Variants in ANKRD44 observed in about 807,000 individuals in gnomAD.
ANKRD44 encodes serine/threonine-protein phosphatase 6 regulatory ankyrin repeat subunit B.
In ANKRD44, 35 loss-of-function variants were observed where a neutral mutation model predicts 116.0. The observed-to-expected ratio is 0.30, with a 90% CI of 0.23 to 0.40. The LOEUF (loss-of-function observed/expected upper bound fraction) is 0.40. Ranked by LOEUF, ANKRD44 falls within the 10% of genes least tolerant of loss-of-function variation. ANKRD44 has a pLI of 1.00. For missense variants in ANKRD44, 1,014 were observed against 1,242.6 expected (o/e 0.82, Z 2.77); for synonymous variants, 435 against 461.8 (o/e 0.94, Z 0.74).
At chr2:197,041,812 C>T (rs1034198166) in intron 16 of ANKRD44, among the ~76,000 whole-genome samples, 81 of 152,152 alleles carry the variant, frequency 5.3e-4, no homozygotes, top group African/African-American at 1.9e-3. Flanking sequence ...TAAATCTCAC[C>T]ACAGAAGAAA....
At chr2:197,024,555 G>A (rs2076555329) in intron 17 of ANKRD44, among the ~76,000 whole-genome samples, 1 of 152,212 alleles carries the variant, frequency 6.6e-6, no homozygotes, top group Admixed American at 6.5e-5. Flanking sequence ...AGAGTTTGGG[G>A]ATCATCACTC....
At chr2:197,158,962 A>T (rs1328594214) in intron 2 of ANKRD44, among the ~76,000 whole-genome samples, 1 of 149,332 alleles carries the variant, frequency 6.7e-6, no homozygotes, top group Non-Finnish European at 1.5e-5. Flanking sequence ...GATTAAACAC[A>T]CCCATCAGCA....
chr2:197,124,854 G>A (rs746085709), intron 6 of ANKRD44, among the ~76,000 whole-genome samples: 14 of 152,224 alleles, frequency 9.2e-5, no homozygotes, highest in Non-Finnish European at 2.1e-4. Flanking sequence ...TCTCCCAAGC[G>A]GGTAGAAATG....
At chr2:197,206,827 A>T (rs985813594) in intron 1 of ANKRD44, among the ~76,000 whole-genome samples, 1 of 152,240 alleles carries the variant, frequency 6.6e-6, no homozygotes, top group African/African-American at 2.4e-5. Flanking sequence ...AAGAGTCATT[A>T]AGCATAGGAG....
chr2:196,973,395 A>G (rs2075729460), intron 21 of ANKRD44, among the ~76,000 whole-genome samples: 1 of 152,046 alleles, frequency 6.6e-6, no homozygotes, highest in African/African-American at 2.4e-5. Flanking sequence ...TTTGACTTTA[A>G]CTTTGCTTAT....
chr2:197,110,920 G>A (rs1432494961), intron 8 of ANKRD44, 76 bp from the exon 9 acceptor site: 3 of 971,606 alleles, frequency 3.1e-6, no homozygotes, highest in Non-Finnish European at 5.1e-6. Context: ...TACCCCTATG[G>A]ACACTCCTAA....
chr2:196,968,852 C>T (rs1162186583), intron 21 of ANKRD44, among the ~76,000 whole-genome samples: 7 of 152,172 alleles, frequency 4.6e-5, no homozygotes, highest in Admixed American at 4.6e-4. Context: ...CGCAGGCCCC[C>T]CTGTCTATAT....
In ANKRD44 at chr2:197,257,019, A is replaced by T. The variant is rs142888032; in HGVS notation, c.27+53559T>A. 4.7e-4 allele frequency among the ~76,000 whole-genome samples: 71 copies of T among 152,312 alleles called. No homozygotes were observed. In the East Asian group the frequency reaches 0.013, roughly 28 times the overall value. Reference sequence around the variant, plus strand: ...TCAGTTGATGTCTCCAAACCTCTACAAGCAGCTCATCTTCAAAAAAAAAAT... The same window carrying T: ...TCAGTTGATGTCTCCAAACCTCTACTAGCAGCTCATCTTCAAAAAAAAAAT... On this transcript the variant is annotated intron_variant, in intron 1 of 27. Coordinates refer to ENST00000282272, the MANE Select transcript of ANKRD44 (RefSeq NM_001195144.2).
At chr2:197,303,179 C>T (rs550737254) in intron 1 of ANKRD44, among the ~76,000 whole-genome samples, 1 of 152,354 alleles carries the variant, frequency 6.6e-6, no homozygotes, top group South Asian at 2.1e-4. Context: ...CTGCCACAAA[C>T]ACACTTGGGA....
intron 19 of ANKRD44, among the ~76,000 whole-genome samples, chr2:197,008,679 G>A (rs1253184056): frequency 6.6e-6 from 1 of 152,170 alleles, no homozygotes; most frequent in East Asian, 1.9e-4. Context: ...GAACAAAGGA[G>A]AGAATATAAA....
intron 1 of ANKRD44, among the ~76,000 whole-genome samples, chr2:197,241,564 C>G (rs974480305): frequency 2.0e-5 from 3 of 152,002 alleles, no homozygotes; most frequent in Admixed American, 6.5e-5. Context: ...ATTCTATTTC[C>G]AAGTTCTCTA....
At chr2:197,290,662 T>G (rs2083539366) in intron 1 of ANKRD44, among the ~76,000 whole-genome samples, 1 of 152,222 alleles carries the variant, frequency 6.6e-6, no homozygotes, top group Admixed American at 6.5e-5. Context: ...TATTACTAAT[T>G]TATCAAATTT....
At chr2:197,284,369 G>A (rs184856583) in intron 1 of ANKRD44, among the ~76,000 whole-genome samples, 43 of 152,068 alleles carry the variant, frequency 2.8e-4, no homozygotes, top group African/African-American at 9.4e-4. Context: ...ATCAAACAAT[G>A]GAGGCCTTTT....
At chr2:197,083,287 C>T (rs931212258) in intron 14 of ANKRD44, 82 bp downstream of exon 14, 29 of 1,482,974 alleles carry the variant, frequency 2.0e-5, no homozygotes, top group South Asian at 4.2e-5. Flanking sequence ...TTCCATGAGG[C>T]GGTATGAAGA....
chr2:197,254,688 T>C (rs746742463), intron 1 of ANKRD44, among the ~76,000 whole-genome samples: 6 of 151,206 alleles, frequency 4.0e-5, no homozygotes. Flanking sequence ...GGGGGGAAAT[T>C]GATACTGTAG....
At position 196,987,890 on chromosome 2, in the gene ANKRD44, G is replaced by A. The variant is rs1244000691; in HGVS notation, c.*1701C>T. ...TGCAAACATAATTTTATTTCTAAGA[G>A]ATGTAATTAAAATACAGAAATGATA... On this transcript the variant is annotated 3_prime_UTR_variant, in exon 28 of 28. Coordinates refer to ENST00000282272, the MANE Select transcript of ANKRD44 (RefSeq NM_001195144.2). 4.1e-6 allele frequency: 4 copies of A among 982,438 alleles called. No homozygotes were observed. Among genetic ancestry groups the A allele is most frequent in the Non-Finnish European group, 4.8e-6 (4 of 827,432 alleles). The allele number at this position is 982,438 out of a possible 1,614,324, so 60.9% of individuals were successfully genotyped here.
At chr2:197,004,532 A>G (rs1559410091) in intron 21 of ANKRD44, among the ~76,000 whole-genome samples, 1 of 152,210 alleles carries the variant, frequency 6.6e-6, no homozygotes, top group Non-Finnish European at 1.5e-5. Context: ...TAGCCAGGGT[A>G]CTATTAGATA....
At chr2:196,999,108 T>C (rs1431287524) in intron 23 of ANKRD44, 56 bp from the exon 24 acceptor site, 28 of 1,589,782 alleles carry the variant, frequency 1.8e-5, no homozygotes, top group Non-Finnish European at 2.1e-5. Context: ...TTCTCGCTAG[T>C]TACTGCCCAA....
chr2:197,137,231 G>A (rs1244204632), intron 3 of ANKRD44, among the ~76,000 whole-genome samples: 1 of 152,166 alleles, frequency 6.6e-6, no homozygotes, highest in African/African-American at 2.4e-5. Context: ...TCAGAGATGG[G>A]ATGTTTTATA....
Sources: gnomAD v4.1 joint callset for allele counts (sites outside exome capture counted in the v4.1 genomes callset) on GRCh38, gnomAD v4.1.1 for gene constraint, MANE v1.5 for transcripts, NCBI Gene and HGNC (gene_info 2026-07-23, HGNC 2026-07-21) for gene names.